KLF15: variants seen among roughly 807,000 people sequenced by gnomAD.
KLF15 encodes the protein Krueppel-like factor 15.
KLF15 carries 4 observed loss-of-function variants against 24.6 expected under a neutral mutation model. The observed-to-expected ratio is 0.16, with a 90% CI of 0.08 to 0.37. The LOEUF is 0.37. KLF15 is among the 10% of genes least tolerant of loss of function. The pLI is 1.00. For synonymous variants in KLF15, 246 were observed against 236.3 expected, an observed-to-expected ratio of 1.04 and a Z score of -0.37; for missense variants, 496 against 560.6, an observed-to-expected ratio of 0.88 and a Z score of 1.16.
At chr3:126,308,025 G>A in the KLF15 span, among the ~76,000 whole-genome samples, 26 of 152,326 alleles carry the variant, frequency 1.7e-4, no homozygotes, top group African/African-American at 5.3e-4. Context: ...CAGCGTCCCA[G>A]CTACCAAGCT....
chr3:126,293,069 G>C, the KLF15 span, among the ~76,000 whole-genome samples: 2 of 151,516 alleles, frequency 1.3e-5, no homozygotes, highest in East Asian at 3.9e-4. Context: ...CAGCACTTTC[G>C]GAGGCTGAGG....
chr3:126,295,742 G>A, the KLF15 span, among the ~76,000 whole-genome samples: 3 of 152,168 alleles, frequency 2.0e-5, no homozygotes, highest in African/African-American at 7.2e-5. Flanking sequence ...TCCAGATTTA[G>A]CAAGAACAAA....
At chr3:126,332,554 G>T in the KLF15 span, among the ~76,000 whole-genome samples, 2 of 83,118 alleles carry the variant, frequency 2.4e-5, 1 homozygote, top group South Asian at 8.9e-4. Flanking sequence ...ACCAGCAACG[G>T]AACAAAGCTG....
At position 126,356,026 on chromosome 3, in the gene KLF15, G is replaced by A. The variant is rs2082628364; in HGVS notation, c.-26+1211C>T. ...AGTCCCCGGCTGGCCGCCGGACTCC[G>A]CCCCCTCCCCTGGCCCGGCCAGGCC... is the stretch of plus-strand genomic sequence containing the variant. On this transcript the variant is annotated intron_variant, in intron 1 of 2. Transcript: ENST00000296233. This position sits in a 1 kb window ranked among gnomAD's most constrained non-coding sequence, Gnocchi z 4.4. Among the ~76,000 whole-genome samples, 1 of 152,184 alleles carries A rather than the reference G, an allele frequency of 6.6e-6. No homozygotes were observed. Among genetic ancestry groups the A allele is most frequent in the Non-Finnish European group, 1.5e-5 (1 of 68,020 alleles).
chr3:126,344,359 T>C (rs2107551266), intron 2 of KLF15, among the ~76,000 whole-genome samples: 1 of 152,302 alleles, frequency 6.6e-6, no homozygotes, highest in Non-Finnish European at 1.5e-5. Flanking sequence ...TGTGCCAAGC[T>C]GCCCCTGCCA....
At chr3:126,296,824 A>G in the KLF15 span, among the ~76,000 whole-genome samples, 91,388 of 152,180 alleles carry the variant, frequency 0.6, 27,836 homozygotes, top group African/African-American at 0.69. Context: ...TTGAGGGGAT[A>G]TTCATCTCCT....
the KLF15 span, among the ~76,000 whole-genome samples, chr3:126,317,611 G>A: frequency 7.9e-5 from 12 of 152,146 alleles, no homozygotes; most frequent in African/African-American, 2.7e-4. Context: ...CCCGGAGTGC[G>A]GGCAGGTCAC....
At chr3:126,319,403 C>A in the KLF15 span, among the ~76,000 whole-genome samples, 6 of 152,190 alleles carry the variant, frequency 3.9e-5, no homozygotes, top group Admixed American at 1.3e-4. Context: ...GCCTTCCCAC[C>A]AGCAATGACT....
chr3:126,352,945 C>A lies in KLF15; in HGVS notation c.-23G>T. On this transcript the variant is annotated splice_region_variant and 5_prime_UTR_variant, in exon 2 of 3. Transcript: ENST00000296233. ...CATGCTGGCCTGGCCGTGCCGGTGGCGGCTGCAGGAAAGGAACACAGGAGG... is the reference window on the plus strand; with the variant it reads ...CATGCTGGCCTGGCCGTGCCGGTGGAGGCTGCAGGAAAGGAACACAGGAGG... The A allele has an allele frequency of 6.4e-7, 1 of 1,573,796 alleles. No homozygotes were observed. Among genetic ancestry groups the A allele is most frequent in the Non-Finnish European group, 8.6e-7 (1 of 1,158,446 alleles).
the KLF15 span, among the ~76,000 whole-genome samples, chr3:126,313,625 C>A: frequency 6.6e-6 from 1 of 152,212 alleles, no homozygotes; most frequent in Non-Finnish European, 1.5e-5. Context: ...TGCAGAGGGT[C>A]ATTTTTCACA....
chr3:126,300,087 G>T, the KLF15 span, among the ~76,000 whole-genome samples: 1 of 152,148 alleles, frequency 6.6e-6, no homozygotes, highest in South Asian at 2.1e-4. Flanking sequence ...CCACAGGGGG[G>T]TGAATCATCC....
Position 126,351,957 on chromosome 3 carries a change from T to C in KLF15, c.966A>G (p.Lys322=). 6.2e-7 allele frequency: 1 copy of C among 1,610,888 alleles called. No individual in the cohort carries two copies. The highest frequency in any genetic ancestry group is 8.5e-7 in the Non-Finnish European group (1 of 1,178,568). Residue 322 remains lysine (K), a synonymous_variant, in exon 2 of 3, where the codon AAA becomes AAG. Coordinates refer to ENST00000296233, the MANE Select transcript of KLF15 (RefSeq NM_014079.4). ...NPAAELIKMH[K]CTFPGCSKMY... Reference sequence around the variant, plus strand: ...TCTTGCTGCAGCCAGGGAAAGTACATTTGTGCATTTTGATGAGTTCTGCGG... The same window carrying C: ...TCTTGCTGCAGCCAGGGAAAGTACACTTGTGCATTTTGATGAGTTCTGCGG...
At chr3:126,323,724 A>C in the KLF15 span, among the ~76,000 whole-genome samples, 1 of 113,110 alleles carries the variant, frequency 8.8e-6, no homozygotes. Flanking sequence ...TCACTGTTCA[A>C]CTCCCACTTA....
the KLF15 span, among the ~76,000 whole-genome samples, chr3:126,306,514 G>C: frequency 2.0e-5 from 3 of 152,246 alleles, no homozygotes; most frequent in Non-Finnish European, 4.4e-5. Context: ...TGGGTCTGTG[G>C]TCTCAGGGCA....
the KLF15 span, among the ~76,000 whole-genome samples, chr3:126,303,533 AT>A: frequency 5.3e-5 from 8 of 152,024 alleles, no homozygotes; most frequent in Admixed American, 2.6e-4. Context: ...TGTATGTAAT[AT>A]GCCTTTTTCT....
the KLF15 span, among the ~76,000 whole-genome samples, chr3:126,328,847 C>T: frequency 6.6e-6 from 1 of 152,152 alleles, no homozygotes; most frequent in Non-Finnish European, 1.5e-5. Flanking sequence ...ATTTGCATGT[C>T]TTTTACTGTA....
chr3:126,295,775 T>C, the KLF15 span, among the ~76,000 whole-genome samples: 2 of 152,340 alleles, frequency 1.3e-5, no homozygotes, highest in East Asian at 3.9e-4. Flanking sequence ...TGGCAAGAAC[T>C]CCCTGTCCTT....
the KLF15 span, among the ~76,000 whole-genome samples, chr3:126,322,316 T>G: frequency 6.6e-6 from 1 of 152,090 alleles, no homozygotes; most frequent in Admixed American, 6.6e-5. Flanking sequence ...CGCTGGTTCC[T>G]CCTGGAGGCT....
chr3:126,299,747 C>CAAAAAA, the KLF15 span, among the ~76,000 whole-genome samples: 3 of 55,978 alleles, frequency 5.4e-5, no homozygotes, highest in African/African-American at 1.6e-4. Context: ...CACTCCATCT[C>CAAAAAA]AAAAAAAAAA....
Sources: gnomAD v4.1 joint callset for allele counts (sites outside exome capture counted in the v4.1 genomes callset) on GRCh38, gnomAD v4.1.1 for gene constraint, Gnocchi (gnomAD v3.1) non-coding constraint, MANE v1.5 for transcripts, NCBI Gene and HGNC (gene_info 2026-07-23, HGNC 2026-07-21) for gene names.